The following LRMDA variants were observed in gnomAD, a reference collection of about 807,000 sequenced individuals.
The protein encoded by LRMDA is leucine-rich melanocyte differentiation-associated protein.
LRMDA carries 18 observed loss-of-function variants against 29.8 expected under a neutral mutation model. The observed-to-expected ratio is 0.60, with a 90% CI of 0.42 to 0.90. The LOEUF (loss-of-function observed/expected upper bound fraction) is 0.90, where lower values mean the gene tolerates loss of function less well. Among genes scored for constraint, LRMDA ranks in the 40% least tolerant of loss-of-function variants. The pLI, the probability that LRMDA is intolerant of heterozygous loss-of-function variation, is 0.00. For missense variants in LRMDA, 273 were observed against 273.9 expected (o/e 1.00, Z 0.02); for synonymous variants, 125 against 109.4 (o/e 1.14, Z -0.89).
chr10:76,325,378 G>T (rs1185934493), intron 6 of LRMDA, among the ~76,000 whole-genome samples: 1 of 152,214 alleles, frequency 6.6e-6, no homozygotes, highest in African/African-American at 2.4e-5. Context: ...TGCCTGTTTG[G>T]TGTTTGGGCA....
chr10:76,011,880 T>G (rs1847788810), intron 2 of LRMDA, among the ~76,000 whole-genome samples: 1 of 152,134 alleles, frequency 6.6e-6, no homozygotes, highest in Non-Finnish European at 1.5e-5. Context: ...GTCTCCAGAT[T>G]GCATGGGATG....
intron 6 of LRMDA, among the ~76,000 whole-genome samples, chr10:76,448,422 T>C (rs1289234691): frequency 1.3e-5 from 2 of 152,112 alleles, no homozygotes; most frequent in African/African-American, 4.8e-5. Flanking sequence ...TGAATATTTG[T>C]AAGGCACTTG....
At chr10:75,945,802 G>A (rs1414108711) in intron 2 of LRMDA, among the ~76,000 whole-genome samples, 1 of 150,544 alleles carries the variant, frequency 6.6e-6, no homozygotes, top group African/African-American at 2.4e-5. Flanking sequence ...CATGCCTATG[G>A]GCTAAATATG....
At chr10:75,628,822 C>T (rs895344465) in intron 2 of LRMDA, among the ~76,000 whole-genome samples, 1 of 152,146 alleles carries the variant, frequency 6.6e-6, no homozygotes, top group Non-Finnish European at 1.5e-5. Context: ...CACTGGTTTC[C>T]AAAAGTCCAC....
chr10:75,893,285 A>G (rs185402621), intron 2 of LRMDA, among the ~76,000 whole-genome samples: 181 of 152,236 alleles, frequency 1.2e-3, no homozygotes, highest in Non-Finnish European at 1.9e-3. Flanking sequence ...TTTGTCATTG[A>G]TCTCCATCTG....
chr10:76,378,857 T>C (rs1173762595), intron 6 of LRMDA, among the ~76,000 whole-genome samples: 6 of 65,930 alleles, frequency 9.1e-5, no homozygotes, highest in Admixed American at 1.6e-4. Context: ...TCTTTTTTTT[T>C]CTTTTTTTTT....
chr10:75,757,996 C>T (rs1037707305), intron 2 of LRMDA, among the ~76,000 whole-genome samples: 1 of 152,132 alleles, frequency 6.6e-6, no homozygotes, highest in African/African-American at 2.4e-5. Context: ...GATGGGGTTT[C>T]ACCATGTTGG....
intron 5 of LRMDA, among the ~76,000 whole-genome samples, chr10:76,281,303 C>T (rs11001717): frequency 1.3e-5 from 2 of 152,136 alleles, no homozygotes; most frequent in Non-Finnish European, 2.9e-5. Context: ...AGCCAAGGCA[C>T]GTGGTAGGAA....
At chr10:75,751,844 T>C (rs1842973197) in intron 2 of LRMDA, among the ~76,000 whole-genome samples, 1 of 152,190 alleles carries the variant, frequency 6.6e-6, no homozygotes, top group African/African-American at 2.4e-5. Context: ...CCTTCAAGAT[T>C]GTGTGCTCAA....
At chr10:75,738,495 C>A (rs1842792350) in intron 2 of LRMDA, among the ~76,000 whole-genome samples, 1 of 152,088 alleles carries the variant, frequency 6.6e-6, no homozygotes, top group South Asian at 2.1e-4. Flanking sequence ...GGGAACAGAC[C>A]AATTGTTTAT....
At chr10:75,781,128 G>A (rs1843377395) in intron 2 of LRMDA, among the ~76,000 whole-genome samples, 1 of 152,132 alleles carries the variant, frequency 6.6e-6, no homozygotes, top group Non-Finnish European at 1.5e-5. Context: ...ATTGCCCCAG[G>A]TAGTCATACC....
At chr10:76,051,109 A>G (rs1345276234) in intron 4 of LRMDA, among the ~76,000 whole-genome samples, 1 of 152,188 alleles carries the variant, frequency 6.6e-6, no homozygotes, top group Non-Finnish European at 1.5e-5. Context: ...CACTCAGCCA[A>G]AGGGAAGGAG....
intron 2 of LRMDA, among the ~76,000 whole-genome samples, chr10:75,948,350 G>T (rs1454020822): frequency 3.3e-5 from 5 of 152,168 alleles, no homozygotes; most frequent in Non-Finnish European, 1.5e-5. Flanking sequence ...CCATTATGTG[G>T]CATATCATGA....
intron 2 of LRMDA, among the ~76,000 whole-genome samples, chr10:75,832,144 T>C (rs1049242077): frequency 1.3e-5 from 2 of 152,226 alleles, no homozygotes; most frequent in African/African-American, 4.8e-5. Flanking sequence ...TTTTACTGCA[T>C]CATCAGGCTA....
chr10:75,657,707 G>A (rs1254782785), intron 2 of LRMDA, among the ~76,000 whole-genome samples: 1 of 152,178 alleles, frequency 6.6e-6, no homozygotes, highest in African/African-American at 2.4e-5. Context: ...GACCTGTAAT[G>A]GTATTTAGGT....
At chr10:75,976,734 T>C (rs1847078269) in intron 2 of LRMDA, among the ~76,000 whole-genome samples, 1 of 152,312 alleles carries the variant, frequency 6.6e-6, no homozygotes, top group South Asian at 2.1e-4. Context: ...CCCATTTTAC[T>C]GATGAGGAAA....
chr10:75,815,003 G>T (rs1051706951), intron 2 of LRMDA, among the ~76,000 whole-genome samples: 1 of 152,108 alleles, frequency 6.6e-6, no homozygotes, highest in Non-Finnish European at 1.5e-5. Flanking sequence ...TGTACCCATT[G>T]GTTTTCCAAG....
At chr10:76,423,336 G>A (rs571712542) in intron 6 of LRMDA, among the ~76,000 whole-genome samples, 1 of 152,306 alleles carries the variant, frequency 6.6e-6, no homozygotes, top group Non-Finnish European at 1.5e-5. Context: ...CGAGGCTGCA[G>A]TGAGCCATGA....
At chr10:75,978,790 A>G (rs1847117598) in intron 2 of LRMDA, among the ~76,000 whole-genome samples, 2 of 152,222 alleles carry the variant, frequency 1.3e-5, no homozygotes, top group Admixed American at 1.3e-4. Context: ...TTATAATTAC[A>G]TATCAAACCC....
Sources: allele counts gnomAD v4.1 joint callset (sites outside exome capture counted in the v4.1 genomes callset), GRCh38; gene constraint gnomAD v4.1.1; transcripts MANE v1.5; gene names NCBI Gene and HGNC (gene_info 2026-07-23, HGNC 2026-07-21).